KHDRBS2: variants seen among roughly 807,000 people sequenced by gnomAD.
KHDRBS2 encodes the protein KH domain-containing, RNA-binding, signal transduction-associated protein 2.
Under a neutral mutation model 44.3 loss-of-function variants are expected in KHDRBS2, and 26 were observed. That is an observed-to-expected ratio of 0.59 (90% CI 0.43 to 0.81). The LOEUF is 0.81. Among genes scored for constraint, KHDRBS2 ranks in the 40% least tolerant of loss-of-function variants. KHDRBS2 has a pLI of 0.00. For synonymous variants in KHDRBS2, 194 were observed against 151.1 expected (o/e 1.28, Z -2.08); for missense variants, 476 against 433.1 (o/e 1.10, Z -0.88).
intron 1 of KHDRBS2, among the ~76,000 whole-genome samples, chr6:62,271,921 A>C (rs1840157073): frequency 6.6e-6 from 1 of 152,148 alleles, no homozygotes; most frequent in African/African-American, 2.4e-5. Context: ...AGTGCAGTCT[A>C]ACTTACAGTG....
chr6:61,856,254 C>T (rs1304854546), intron 6 of KHDRBS2, among the ~76,000 whole-genome samples: 2 of 152,120 alleles, frequency 1.3e-5, no homozygotes, highest in African/African-American at 4.8e-5. Context: ...TGTCTTGTGG[C>T]TTCACACTTT....
intron 7 of KHDRBS2, among the ~76,000 whole-genome samples, chr6:61,720,606 C>T (rs574675581): frequency 6.6e-6 from 1 of 152,156 alleles, no homozygotes; most frequent in African/African-American, 2.4e-5. Flanking sequence ...ATGTCCTTTG[C>T]CCACTTTTTG....
intron 7 of KHDRBS2, among the ~76,000 whole-genome samples, chr6:61,701,205 T>G (rs1768601470): frequency 6.6e-6 from 1 of 151,928 alleles, no homozygotes; most frequent in South Asian, 2.1e-4. Context: ...TCCTTGCTAC[T>G]TTTTAGAAAG....
intron 2 of KHDRBS2, among the ~76,000 whole-genome samples, chr6:62,164,761 T>TA (rs979846059): frequency 3.9e-5 from 6 of 152,034 alleles, no homozygotes; most frequent in African/African-American, 1.4e-4. Flanking sequence ...AATTGCCCTC[T>TA]AAAATACTTG....
At chr6:61,574,315 G>A in the KHDRBS2 span, 4 of 1,524,346 alleles carry the variant, frequency 2.6e-6, no homozygotes, top group East Asian at 2.5e-5. Flanking sequence ...TCCTTAAATA[G>A]GGACTTGTAT....
chr6:62,123,454 G>T (rs1029766479), intron 2 of KHDRBS2, among the ~76,000 whole-genome samples: 5 of 152,178 alleles, frequency 3.3e-5, no homozygotes, highest in African/African-American at 1.2e-4. Context: ...TCTAGTTCTA[G>T]ATCCTTGAGG....
At chr6:62,073,133 G>A (rs1172939084) in intron 2 of KHDRBS2, among the ~76,000 whole-genome samples, 1 of 151,910 alleles carries the variant, frequency 6.6e-6, no homozygotes, top group Non-Finnish European at 1.5e-5. Flanking sequence ...AAAAGATTAT[G>A]AACATTTTAT....
chr6:61,856,773 AC>A (rs1442354672), intron 6 of KHDRBS2, among the ~76,000 whole-genome samples: 1 of 152,022 alleles, frequency 6.6e-6, no homozygotes, highest in African/African-American at 2.4e-5. Context: ...CTAAACTCCA[AC>A]TGTAGTGGCT....
intron 1 of KHDRBS2, among the ~76,000 whole-genome samples, chr6:62,205,568 A>T (rs1164888635): frequency 6.6e-6 from 1 of 152,150 alleles, no homozygotes; most frequent in Non-Finnish European, 1.5e-5. Context: ...CCTTTGGATA[A>T]GCCCAGATTT....
chr6:61,756,386 G>A (rs1315854322), intron 6 of KHDRBS2, among the ~76,000 whole-genome samples: 3 of 151,788 alleles, frequency 2.0e-5, no homozygotes, highest in Admixed American at 6.6e-5. Flanking sequence ...TCAGCCTCCC[G>A]AGTAGCTGGG....
rs1793524278 is a variant in KHDRBS2, at chr6:61,841,049, T to A, written c.810+53586A>T. Reference sequence around the variant, plus strand: ...AGTCTATAGTGGCCCTTACAACATTTAAGTTTTATAATCAAGGCATTTTAG... The same window carrying A: ...AGTCTATAGTGGCCCTTACAACATTAAAGTTTTATAATCAAGGCATTTTAG... On this transcript the variant is annotated intron_variant, in intron 6 of 8. Transcript: ENST00000281156. Among the ~76,000 whole-genome samples, 3 of 152,142 alleles carry A rather than the reference T, an allele frequency of 2.0e-5. No homozygotes were observed. The South Asian group carries it at 6.2e-4, about 32-fold the overall frequency.
chr6:61,610,156 G>T, the KHDRBS2 span, among the ~76,000 whole-genome samples: 1 of 151,496 alleles, frequency 6.6e-6, no homozygotes, highest in African/African-American at 2.4e-5. Context: ...AGCCTGGGTG[G>T]CAGAACGAGA....
intron 6 of KHDRBS2, among the ~76,000 whole-genome samples, chr6:61,810,721 A>C (rs1787985076): frequency 6.6e-6 from 1 of 152,138 alleles, no homozygotes; most frequent in African/African-American, 2.4e-5. Flanking sequence ...CTCTTATAGA[A>C]TATTTAGAGA....
intron 6 of KHDRBS2, among the ~76,000 whole-genome samples, chr6:61,737,790 T>C (rs1470916073): frequency 3.3e-5 from 5 of 151,974 alleles, no homozygotes; most frequent in African/African-American, 9.7e-5. Flanking sequence ...TCATAAGACG[T>C]AGGGAAGAGT....
intron 1 of KHDRBS2, among the ~76,000 whole-genome samples, chr6:62,224,727 A>C (rs1831477783): frequency 6.6e-6 from 1 of 152,358 alleles, no homozygotes; most frequent in South Asian, 2.1e-4. Flanking sequence ...TTAAGAGTGG[A>C]AACATGGCTT....
intron 6 of KHDRBS2, among the ~76,000 whole-genome samples, chr6:61,824,832 A>T (rs1382456760): frequency 6.6e-6 from 1 of 152,056 alleles, no homozygotes; most frequent in Non-Finnish European, 1.5e-5. Flanking sequence ...ACAATATTTA[A>T]ATATTTACCA....
At chr6:62,167,942 G>T (rs909593137) in intron 2 of KHDRBS2, among the ~76,000 whole-genome samples, 58 of 152,056 alleles carry the variant, frequency 3.8e-4, no homozygotes, top group African/African-American at 1.3e-3. Flanking sequence ...TCAAGTACTT[G>T]GACTTGGGTA....
At chr6:62,000,786 A>C (rs1385726263) in intron 3 of KHDRBS2, among the ~76,000 whole-genome samples, 1 of 152,204 alleles carries the variant, frequency 6.6e-6, no homozygotes, top group Admixed American at 6.6e-5. Flanking sequence ...GCATGACCTC[A>C]GTCAGCATCA....
At chr6:61,670,318 TA>T in the KHDRBS2 span, among the ~76,000 whole-genome samples, 1 of 151,378 alleles carries the variant, frequency 6.6e-6, no homozygotes, top group African/African-American at 2.4e-5. Context: ...TGTGCTTCAT[TA>T]AAGGTTATCA....
Sources: gnomAD v4.1 joint callset for allele counts (sites outside exome capture counted in the v4.1 genomes callset) on GRCh38, gnomAD v4.1.1 for gene constraint, MANE v1.5 for transcripts, NCBI Gene and HGNC (gene_info 2026-07-23, HGNC 2026-07-21) for gene names.